PTPRO: variants seen among roughly 807,000 people sequenced by gnomAD.
The protein encoded by PTPRO is protein tyrosine phosphatase receptor type O.
In PTPRO, 62 loss-of-function variants were observed where a neutral mutation model predicts 145.2. The observed-to-expected ratio is 0.43, with a 90% CI of 0.35 to 0.53. PTPRO has a LOEUF of 0.53. Among genes scored for constraint, PTPRO ranks in the 20% least tolerant of loss-of-function variants. The pLI, the probability that PTPRO is intolerant of heterozygous loss-of-function variation, is 0.01. For missense variants in PTPRO, 1,345 were observed against 1,482.7 expected (o/e 0.91, Z 1.53); for synonymous variants, 565 against 514.7 (o/e 1.10, Z -1.32).
At chr12:15,427,603 T>C (rs946098379) in intron 1 of PTPRO, among the ~76,000 whole-genome samples, 30 of 151,920 alleles carry the variant, frequency 2.0e-4, no homozygotes, top group African/African-American at 6.5e-4. Context: ...ATTATGGATA[T>C]GTACTTATAA....
At chr12:15,517,402 G>C (rs1942622772) in intron 9 of PTPRO, among the ~76,000 whole-genome samples, 1 of 152,136 alleles carries the variant, frequency 6.6e-6, no homozygotes, top group African/African-American at 2.4e-5. Flanking sequence ...TGAGATTTGG[G>C]TGAGAACACA....
At chr12:15,354,140 G>A (rs1406821553) in intron 1 of PTPRO, among the ~76,000 whole-genome samples, 2 of 152,092 alleles carry the variant, frequency 1.3e-5, no homozygotes, top group Non-Finnish European at 2.9e-5. Context: ...GCATTAACAA[G>A]GTTAAATTTT....
rs564557603 is a variant in PTPRO, at chr12:15,361,455, A to G, written c.75+38654A>G. Among the ~76,000 whole-genome samples the G allele has an allele frequency of 2.0e-3, 309 of 151,418 alleles. 2 individuals are homozygous for G. The highest frequency in any genetic ancestry group is 3.2e-3 in the Non-Finnish European group (216 of 67,760). ...CTCAGTCTCAAAAAAAAAAAAAAAA[A>G]AAAGAAAGAAAAAGAAAAAACAAAG... On this transcript the variant is annotated intron_variant, in intron 1 of 26. Transcript: ENST00000281171.
chr12:15,532,889 C>G (rs1334630929), intron 12 of PTPRO, among the ~76,000 whole-genome samples: 1 of 152,166 alleles, frequency 6.6e-6, no homozygotes, highest in Non-Finnish European at 1.5e-5. Flanking sequence ...ATACAGGAAG[C>G]TATTAAGTGT....
intron 1 of PTPRO, among the ~76,000 whole-genome samples, chr12:15,384,097 G>A (rs767197795): frequency 2.3e-3 from 347 of 152,204 alleles, no homozygotes; most frequent in Non-Finnish European, 4.1e-3. Flanking sequence ...AGATAGGAGA[G>A]TATAATAAGG....
chr12:15,505,934 A>G (rs770650287), intron 6 of PTPRO, among the ~76,000 whole-genome samples: 1 of 152,232 alleles, frequency 6.6e-6, no homozygotes, highest in Non-Finnish European at 1.5e-5. Flanking sequence ...GACTGCCAAT[A>G]GCCTTATGAA....
In PTPRO at chr12:15,557,452, CA is replaced by C; in HGVS notation, c.2559-2del. On this transcript the variant is annotated splice_acceptor_variant, in intron 15 of 26. Transcript: ENST00000281171. LOFTEE classifies it high-confidence loss of function. Reference sequence around the variant, plus strand: ...CCTTGATTTTGTGGTTCCTTTAAAACAGGGAGTGTGGAGCTGGTACATTTGT... The same window carrying C: ...CCTTGATTTTGTGGTTCCTTTAAAACGGGAGTGTGGAGCTGGTACATTTGT... 6.2e-7 allele frequency: 1 copy of C among 1,613,394 alleles called. No homozygotes were observed. The highest frequency in any genetic ancestry group is 8.5e-7 in the Non-Finnish European group (1 of 1,179,374).
At chr12:15,477,355 GA>G (rs1442059222) in intron 1 of PTPRO, among the ~76,000 whole-genome samples, 1 of 116,888 alleles carries the variant, frequency 8.6e-6, no homozygotes, top group Non-Finnish European at 1.7e-5. Context: ...CTGTGGTGGG[GA>G]GGGGGGAGGG....
intron 2 of PTPRO, among the ~76,000 whole-genome samples, chr12:15,493,908 T>C (rs1322724656): frequency 1.3e-5 from 2 of 152,208 alleles, no homozygotes; most frequent in Admixed American, 6.5e-5. Context: ...GTAGGTTATA[T>C]AGTTGCAAAA....
intron 12 of PTPRO, 47 bp from the exon 13 acceptor site, chr12:15,546,522 A>C (rs1364532174): frequency 1.3e-6 from 2 of 1,548,522 alleles, no homozygotes; most frequent in South Asian, 1.2e-5. Context: ...AGAAGAAAGA[A>C]TACACTTAGT....
intron 1 of PTPRO, among the ~76,000 whole-genome samples, chr12:15,434,600 G>A (rs1219588899): frequency 1.3e-5 from 2 of 152,040 alleles, no homozygotes; most frequent in East Asian, 1.9e-4. Flanking sequence ...AATGTATGTA[G>A]GTGTTATTAT....
rs147458655 is a variant in PTPRO, at chr12:15,433,029, T to C, written c.76-50945T>C. 2.8e-4 allele frequency among the ~76,000 whole-genome samples: 42 copies of C among 152,288 alleles called. No individual in the cohort carries two copies. The East Asian group carries it at 8.1e-3, about 29-fold the overall frequency. On this transcript the variant is annotated intron_variant, in intron 1 of 26. Transcript: ENST00000281171. ...GTTATTGTTTTTGCTGTGCAGACAC[T>C]CTTTAGTTTAATTAGATCCCAATTG...
chr12:15,347,677 C>T (rs1009793515), intron 1 of PTPRO, among the ~76,000 whole-genome samples: 2 of 152,074 alleles, frequency 1.3e-5, no homozygotes, highest in Non-Finnish European at 2.9e-5. Context: ...AATTTTTCTG[C>T]AAGTATTAAC....
intron 12 of PTPRO, among the ~76,000 whole-genome samples, chr12:15,528,899 A>T (rs1046369960): frequency 2.0e-5 from 3 of 152,234 alleles, no homozygotes; most frequent in African/African-American, 7.2e-5. Context: ...TCCAAGAATA[A>T]TGTATCCAGC....
chr12:15,414,217 C>T (rs1230910021), intron 1 of PTPRO, among the ~76,000 whole-genome samples: 1 of 152,198 alleles, frequency 6.6e-6, no homozygotes, highest in Non-Finnish European at 1.5e-5. Context: ...TGTTCTTCAA[C>T]TTTGAATCAC....
At chr12:15,386,398 C>G (rs142924168) in intron 1 of PTPRO, among the ~76,000 whole-genome samples, 1 of 151,954 alleles carries the variant, frequency 6.6e-6, no homozygotes, top group Non-Finnish European at 1.5e-5. Context: ...TTAAATGGAG[C>G]AGTTAACCAG....
At chr12:15,355,038 G>C (rs1324438424) in intron 1 of PTPRO, among the ~76,000 whole-genome samples, 1 of 152,068 alleles carries the variant, frequency 6.6e-6, no homozygotes, top group Non-Finnish European at 1.5e-5. Flanking sequence ...ATTTTGAGTA[G>C]TAAAGGAATT....
intron 1 of PTPRO, among the ~76,000 whole-genome samples, chr12:15,466,755 T>G (rs1401922868): frequency 2.0e-5 from 3 of 152,168 alleles, no homozygotes; most frequent in Non-Finnish European, 2.9e-5. Flanking sequence ...ACGTTCATAT[T>G]CAGCCCTATT....
At chr12:15,532,291 T>C (rs1468536764) in intron 12 of PTPRO, among the ~76,000 whole-genome samples, 1 of 152,174 alleles carries the variant, frequency 6.6e-6, no homozygotes, top group African/African-American at 2.4e-5. Context: ...GATTTAAATA[T>C]GCCTTTTCAT....
Sources: gnomAD v4.1 joint callset for allele counts (sites outside exome capture counted in the v4.1 genomes callset) on GRCh38, gnomAD v4.1.1 for gene constraint, MANE v1.5 for transcripts, NCBI Gene and HGNC (gene_info 2026-07-23, HGNC 2026-07-21) for gene names.